Variants in GPATCH2 observed in about 807,000 individuals in gnomAD.
The protein encoded by GPATCH2 is G patch domain-containing protein 2.
GPATCH2 carries 51 observed loss-of-function variants against 58.0 expected under a neutral mutation model. The observed-to-expected ratio is 0.88, with a 90% CI of 0.70 to 1.11. GPATCH2 has a LOEUF of 1.11. Ranked by LOEUF, GPATCH2 falls within the 50% of genes most tolerant of loss-of-function variation. The probability of loss-of-function intolerance (pLI) is 0.00; values close to 1 mark genes in which losing one functional copy is unlikely to be tolerated. For synonymous variants in GPATCH2, 222 were observed against 218.5 expected, an observed-to-expected ratio of 1.02 and a Z score of -0.14; for missense variants, 625 against 652.2, an observed-to-expected ratio of 0.96 and a Z score of 0.45.
chr1:217,611,627 AGATATAG>A (rs1227730092), intron 3 of GPATCH2, among the ~76,000 whole-genome samples: 24 of 152,324 alleles, frequency 1.6e-4, no homozygotes, highest in South Asian at 2.1e-4. Flanking sequence ...TCTTTGCAGC[AGATATAG>A]GTATATAATT....
At chr1:217,588,009 C>A (rs952182475) in intron 5 of GPATCH2, among the ~76,000 whole-genome samples, 8 of 152,016 alleles carry the variant, frequency 5.3e-5, no homozygotes, top group South Asian at 2.1e-4. Context: ...TCCTTTACAG[C>A]AAGAATAAGA....
chr1:217,483,750 C>T (rs1224446173), intron 8 of GPATCH2, among the ~76,000 whole-genome samples: 1 of 152,160 alleles, frequency 6.6e-6, no homozygotes, highest in Non-Finnish European at 1.5e-5. Context: ...AACATCTTTG[C>T]ATATGCAATT....
At chr1:217,612,206 A>G (rs1668670330) in intron 3 of GPATCH2, among the ~76,000 whole-genome samples, 2 of 152,006 alleles carry the variant, frequency 1.3e-5, no homozygotes, top group South Asian at 4.1e-4. Flanking sequence ...AGAAAAGAAA[A>G]GAAAAACAGA....
chr1:217,513,546 A>G (rs1274593640), intron 6 of GPATCH2, among the ~76,000 whole-genome samples: 3 of 152,216 alleles, frequency 2.0e-5, no homozygotes, highest in Admixed American at 6.5e-5. Context: ...TAAAAGTTCA[A>G]TCAAATTTGC....
At chr1:217,575,325 T>G (rs1571947313) in intron 5 of GPATCH2, among the ~76,000 whole-genome samples, 2 of 152,180 alleles carry the variant, frequency 1.3e-5, no homozygotes, top group African/African-American at 2.4e-5. Flanking sequence ...GCCACAGGAA[T>G]GATGTTAAAA....
intron 5 of GPATCH2, among the ~76,000 whole-genome samples, chr1:217,558,886 T>G (rs1010488736): frequency 6.6e-6 from 1 of 152,202 alleles, no homozygotes; most frequent in African/African-American, 2.4e-5. Context: ...CTACTACTCC[T>G]TTTTGCTTCT....
intron 8 of GPATCH2, among the ~76,000 whole-genome samples, chr1:217,466,817 T>G (rs1341263539): frequency 6.6e-6 from 1 of 151,966 alleles, no homozygotes; most frequent in East Asian, 1.9e-4. Context: ...GTAAAGGTAG[T>G]AAGAGAAGGA....
chr1:217,607,731 C>T (rs895619135), intron 5 of GPATCH2, among the ~76,000 whole-genome samples: 13 of 152,232 alleles, frequency 8.5e-5, no homozygotes, highest in African/African-American at 3.1e-4. Context: ...GTATAGAATA[C>T]AGTTATGGCA....
In GPATCH2 at chr1:217,437,888, C is replaced by T. The variant is rs181354917; in HGVS notation, c.1367-6523G>A. 4.8e-3 allele frequency among the ~76,000 whole-genome samples: 733 copies of T among 152,324 alleles called. 9 individuals carry two copies. The highest frequency in any genetic ancestry group is 0.016 in the African/African-American group (674 of 41,580). On this transcript the variant is annotated intron_variant, in intron 9 of 9. Transcript: ENST00000366935. ...CAGCACAGCGCTTGAGCTCTGCTAACGGAAAGAATGCCTCCTCAAGTGGGT... is the reference window on the plus strand; with the variant it reads ...CAGCACAGCGCTTGAGCTCTGCTAATGGAAAGAATGCCTCCTCAAGTGGGT...
At chr1:217,613,263 T>C (rs970527711) in intron 3 of GPATCH2, among the ~76,000 whole-genome samples, 2 of 152,136 alleles carry the variant, frequency 1.3e-5, no homozygotes, top group Admixed American at 1.3e-4. Flanking sequence ...CAAAAAAGAA[T>C]GATCACTTAT....
intron 8 of GPATCH2, among the ~76,000 whole-genome samples, chr1:217,464,514 A>G (rs987001173): frequency 1.5e-4 from 23 of 152,196 alleles, no homozygotes; most frequent in African/African-American, 5.3e-4. Flanking sequence ...CCAAGATGTA[A>G]TAGTTCTGTG....
chr1:217,536,820 T>C (rs1021696024), intron 5 of GPATCH2, among the ~76,000 whole-genome samples: 17 of 151,690 alleles, frequency 1.1e-4, no homozygotes, highest in African/African-American at 2.7e-4. Context: ...ACTGAAAAAA[T>C]ACAAAAATTA....
At chr1:217,577,667 G>A (rs528215736) in intron 5 of GPATCH2, among the ~76,000 whole-genome samples, 3 of 152,200 alleles carry the variant, frequency 2.0e-5, no homozygotes, top group Middle Eastern at 6.8e-3. Flanking sequence ...ACAGGTCAAA[G>A]TCAAGAAACC....
chr1:217,561,681 A>G (rs1323368256), intron 5 of GPATCH2, among the ~76,000 whole-genome samples: 1 of 152,212 alleles, frequency 6.6e-6, no homozygotes, highest in Non-Finnish European at 1.5e-5. Context: ...GTGGTTATCT[A>G]GAGCCTGGCT....
At chr1:217,566,283 T>C (rs888401311) in intron 5 of GPATCH2, among the ~76,000 whole-genome samples, 1 of 152,036 alleles carries the variant, frequency 6.6e-6, no homozygotes, top group Non-Finnish European at 1.5e-5. Flanking sequence ...AAAAAAGATA[T>C]AAAATAAAGA....
chr1:217,583,507 GT>G (rs1476036921), intron 5 of GPATCH2, among the ~76,000 whole-genome samples: 1 of 147,566 alleles, frequency 6.8e-6, no homozygotes, highest in African/African-American at 2.6e-5. Context: ...GGAGGCAGAG[GT>G]TGCAGTGAGC....
intron 2 of GPATCH2, 34 bp from the exon 3 acceptor site, chr1:217,614,236 A>G (rs1362106544): frequency 1.6e-6 from 2 of 1,244,496 alleles, no homozygotes; most frequent in Admixed American, 1.7e-5. Flanking sequence ...ACAGATCAAA[A>G]GAACAATTGA....
At chr1:217,536,295 C>A (rs1348503874) in intron 5 of GPATCH2, among the ~76,000 whole-genome samples, 1 of 152,078 alleles carries the variant, frequency 6.6e-6, no homozygotes, top group Non-Finnish European at 1.5e-5. Context: ...ATTCTGATTT[C>A]ATAGATTTTC....
intron 6 of GPATCH2, among the ~76,000 whole-genome samples, chr1:217,513,231 C>T (rs1001209531): frequency 2.6e-5 from 4 of 151,816 alleles, no homozygotes; most frequent in African/African-American, 9.7e-5. Context: ...GCAGAGGTTG[C>T]AGTGAGCCGA....
Sources: allele counts gnomAD v4.1 joint callset (sites outside exome capture counted in the v4.1 genomes callset), GRCh38; gene constraint gnomAD v4.1.1; transcripts MANE v1.5; gene names NCBI Gene and HGNC (gene_info 2026-07-23, HGNC 2026-07-21).